ZC3H12B: variants seen among roughly 807,000 people sequenced by gnomAD.
ZC3H12B encodes the protein zinc finger CCCH-type containing 12B.
A neutral mutation model predicts 43.9 loss-of-function variants in ZC3H12B; 7 were observed. The observed-to-expected ratio is 0.16, with a 90% CI of 0.09 to 0.30. The LOEUF is 0.30. Among genes scored for constraint, ZC3H12B ranks in the 10% least tolerant of loss-of-function variants. ZC3H12B has a pLI of 1.00. For missense variants in ZC3H12B, 475 were observed against 670.2 expected (o/e 0.71, Z 3.22); for synonymous variants, 222 against 241.7 (o/e 0.92, Z 0.76).
the ZC3H12B span, among the ~76,000 whole-genome samples, chrX:65,326,567 G>T: frequency 4.9e-5 from 5 of 102,129 alleles, no homozygotes; most frequent in African/African-American, 1.8e-4. Flanking sequence ...TGCTTGGATA[G>T]AAAAAAAAAA....
the ZC3H12B span, among the ~76,000 whole-genome samples, chrX:65,241,941 G>C: frequency 9.0e-6 from 1 of 111,390 alleles, no homozygotes. Context: ...CTGAACTACT[G>C]TTCTGCCAAG....
At chrX:65,385,779 G>GT (rs1417543085) in intron 2 of ZC3H12B, among the ~76,000 whole-genome samples, 4 of 111,861 alleles carry the variant, frequency 3.6e-5, no homozygotes, top group African/African-American at 1.3e-4. Flanking sequence ...TTGGCTGTCG[G>GT]TTTGTCATAA....
At chrX:65,181,122 C>T in the ZC3H12B span, among the ~76,000 whole-genome samples, 4 of 111,027 alleles carry the variant, frequency 3.6e-5, no homozygotes, top group South Asian at 3.7e-4. Context: ...ATTTGGTCTT[C>T]GAAAAACCTG....
chrX:65,258,281 A>T, the ZC3H12B span, among the ~76,000 whole-genome samples: 1 of 112,198 alleles, frequency 8.9e-6, no homozygotes, highest in Non-Finnish European at 1.9e-5. Flanking sequence ...AACTCAGTAA[A>T]TGATTCATCA....
At chrX:65,196,090 G>T in the ZC3H12B span, among the ~76,000 whole-genome samples, 1 of 110,490 alleles carries the variant, frequency 9.1e-6, no homozygotes, top group South Asian at 3.9e-4. Context: ...CTCATCCGTC[G>T]CTGAATCAAG....
chrX:65,181,772 G>A, the ZC3H12B span, among the ~76,000 whole-genome samples: 1 of 111,920 alleles, frequency 8.9e-6, no homozygotes, highest in African/African-American at 3.3e-5. Context: ...GAGAGGATGT[G>A]AAGAAATAGT....
At chrX:65,169,059 T>A in the ZC3H12B span, among the ~76,000 whole-genome samples, 1 of 111,743 alleles carries the variant, frequency 8.9e-6, no homozygotes, top group Non-Finnish European at 1.9e-5. Flanking sequence ...TCTTAGTTAT[T>A]TCTTGCCTTC....
At chrX:65,309,930 C>A in the ZC3H12B span, among the ~76,000 whole-genome samples, 2 of 111,877 alleles carry the variant, frequency 1.8e-5, no homozygotes, top group Non-Finnish European at 3.8e-5. Flanking sequence ...GCAGAAAAGG[C>A]CTTTGACAAA....
the ZC3H12B span, among the ~76,000 whole-genome samples, chrX:65,220,217 C>A: frequency 5.4e-5 from 6 of 111,574 alleles, no homozygotes; most frequent in African/African-American, 2.0e-4. Context: ...AATTTGGAAA[C>A]AAATCATCAA....
the ZC3H12B span, among the ~76,000 whole-genome samples, chrX:65,165,089 A>G: frequency 1.5e-4 from 17 of 112,016 alleles, no homozygotes; most frequent in African/African-American, 5.2e-4. Context: ...TATTTGTTGT[A>G]GAAATTTTCA....
At chrX:65,430,712 A>G (rs967904456) in intron 3 of ZC3H12B, among the ~76,000 whole-genome samples, 7 of 109,685 alleles carry the variant, frequency 6.4e-5, no homozygotes, top group Non-Finnish European at 1.3e-4. Flanking sequence ...CATGGTGTAT[A>G]TGTGCCACAT....
chrX:65,367,889 T>A (rs1602326788), intron 1 of ZC3H12B, among the ~76,000 whole-genome samples: 1 of 110,834 alleles, frequency 9.0e-6, no homozygotes, highest in East Asian at 2.8e-4. Context: ...GATTTGGAGT[T>A]TGGAAAACAC....
At chrX:65,475,917 G>A (rs967192940) in intron 3 of ZC3H12B, among the ~76,000 whole-genome samples, 3 of 112,113 alleles carry the variant, frequency 2.7e-5, no homozygotes, top group African/African-American at 9.7e-5. Context: ...AATTCCAGGT[G>A]AGATTTGGGT....
intron 2 of ZC3H12B, among the ~76,000 whole-genome samples, chrX:65,376,661 A>C (rs1257173744): frequency 8.9e-6 from 1 of 112,147 alleles, no homozygotes; most frequent in African/African-American, 3.2e-5. Context: ...ATCTTATCCA[A>C]GGCCACCAAA....
At chrX:65,436,664 G>A (rs1395445375) in intron 3 of ZC3H12B, among the ~76,000 whole-genome samples, 2 of 111,413 alleles carry the variant, frequency 1.8e-5, no homozygotes, top group Non-Finnish European at 3.8e-5. Flanking sequence ...AAGATTCTTG[G>A]CCCTTCACTT....
At position 65,461,352 on chromosome X, in the gene ZC3H12B, G is replaced by C. The variant is rs187420998; in HGVS notation, n.408-27294G>C. Among the ~76,000 whole-genome samples, 712 of 111,898 alleles carry C rather than the reference G, an allele frequency of 6.4e-3. 8 individuals are homozygous for C. The highest frequency in any genetic ancestry group is 0.023 in the African/African-American group (698 of 30,704). On this transcript the variant is annotated intron_variant and non_coding_transcript_variant, in intron 3 of 5. Transcript: ENST00000617377. ...ATTTGATCCAGCCATCCCATTACTG[G>C]GTATATAACCAAAGGATTATAAATC...
the ZC3H12B span, among the ~76,000 whole-genome samples, chrX:65,158,763 G>T: frequency 8.9e-6 from 1 of 111,757 alleles, no homozygotes; most frequent in African/African-American, 3.2e-5. Flanking sequence ...CTGTGCAGAA[G>T]CTCTTTAGTT....
At chrX:65,420,142 G>A (rs1447486770) in intron 3 of ZC3H12B, among the ~76,000 whole-genome samples, 1 of 111,835 alleles carries the variant, frequency 8.9e-6, no homozygotes, top group East Asian at 2.8e-4. Context: ...CATTAGGCCA[G>A]GCCCCAAAGC....
the ZC3H12B span, among the ~76,000 whole-genome samples, chrX:65,260,456 C>G: frequency 3.6e-5 from 4 of 111,199 alleles, no homozygotes; most frequent in African/African-American, 1.3e-4. Context: ...CAAAAAACTA[C>G]CTATAGATTA....
Sources: gnomAD v4.1 joint callset for allele counts (sites outside exome capture counted in the v4.1 genomes callset) on GRCh38, gnomAD v4.1.1 for gene constraint, MANE v1.5 for transcripts, NCBI Gene and HGNC (gene_info 2026-07-23, HGNC 2026-07-21) for gene names.